Variants in SSH2 observed in about 807,000 individuals in gnomAD.
SSH2 encodes protein phosphatase Slingshot homolog 2.
A neutral mutation model predicts 135.2 loss-of-function variants in SSH2; 37 were observed. The ratio of observed to expected loss-of-function variants is 0.27; its 90% CI spans 0.21 to 0.36. SSH2 has a LOEUF of 0.36. Among genes scored for constraint, SSH2 ranks in the 10% least tolerant of loss-of-function variants. SSH2 has a pLI of 1.00. For missense variants in SSH2, 1,408 were observed against 1,765.3 expected, an observed-to-expected ratio of 0.80 and a Z score of 3.63; for synonymous variants, 628 against 646.2, an observed-to-expected ratio of 0.97 and a Z score of 0.43.
intron 3 of SSH2, among the ~76,000 whole-genome samples, chr17:29,786,438 C>G (rs1211091251): frequency 1.3e-5 from 2 of 152,186 alleles, no homozygotes; most frequent in Admixed American, 1.3e-4. Context: ...CCCTGTTCCC[C>G]CTTTGTTTTC....
chr17:29,766,700 T>G (rs928676747), intron 3 of SSH2, among the ~76,000 whole-genome samples: 1 of 152,100 alleles, frequency 6.6e-6, no homozygotes, highest in Non-Finnish European at 1.5e-5. Context: ...TAAGAAAAAA[T>G]GATTATACCA....
chr17:29,887,319 A>G (rs901309943), intron 1 of SSH2, among the ~76,000 whole-genome samples: 5 of 152,214 alleles, frequency 3.3e-5, no homozygotes, highest in African/African-American at 1.2e-4. Context: ...GTGAGGATCA[A>G]TAGAGGATAA....
intron 3 of SSH2, among the ~76,000 whole-genome samples, chr17:29,756,024 G>C (rs1351898303): frequency 6.7e-6 from 1 of 150,258 alleles, no homozygotes; most frequent in Non-Finnish European, 1.5e-5. Context: ...CCAGCACTTT[G>C]GGAGGCCGAG....
chr17:29,708,458 C>T (rs1263310297), intron 3 of SSH2, among the ~76,000 whole-genome samples: 2 of 151,874 alleles, frequency 1.3e-5, no homozygotes, highest in Non-Finnish European at 2.9e-5. Context: ...GGCGTGGTGG[C>T]GGGTGCCTGT....
chr17:29,891,280 G>C (rs944972064), intron 1 of SSH2, among the ~76,000 whole-genome samples: 1 of 152,218 alleles, frequency 6.6e-6, no homozygotes, highest in Non-Finnish European at 1.5e-5. Flanking sequence ...TCTCAAGAGA[G>C]ACTGAGTAGG....
chr17:29,882,629 C>A (rs1279107676), intron 1 of SSH2, among the ~76,000 whole-genome samples: 1 of 136,052 alleles, frequency 7.4e-6, no homozygotes, highest in Non-Finnish European at 1.6e-5. Flanking sequence ...GCGGGCACCT[C>A]TAATCCCAGC....
At chr17:29,691,963 AG>A (rs1415620399) in intron 5 of SSH2, among the ~76,000 whole-genome samples, 23 of 151,248 alleles carry the variant, frequency 1.5e-4, no homozygotes, top group Non-Finnish European at 3.1e-4. Flanking sequence ...ACATGGTGAA[AG>A]CCTGTCTCTA....
chr17:29,844,410 C>A (rs932041837), intron 2 of SSH2, among the ~76,000 whole-genome samples: 2 of 152,146 alleles, frequency 1.3e-5, no homozygotes, highest in African/African-American at 4.8e-5. Context: ...TCCTAGGAGA[C>A]CACCCATAAG....
At chr17:29,809,724 T>TA (rs936317060) in intron 2 of SSH2, among the ~76,000 whole-genome samples, 4 of 151,892 alleles carry the variant, frequency 2.6e-5, no homozygotes, top group Non-Finnish European at 5.9e-5. Flanking sequence ...CCCAGCTCAT[T>TA]AAAAAAAATT....
chr17:29,914,625 T>C (rs925004653), intron 1 of SSH2, among the ~76,000 whole-genome samples: 4 of 151,846 alleles, frequency 2.6e-5, no homozygotes, highest in African/African-American at 9.7e-5. Flanking sequence ...AAACAAACAT[T>C]AATAATTTAA....
At chr17:29,882,753 A>G (rs2066162663) in intron 1 of SSH2, among the ~76,000 whole-genome samples, 1 of 152,150 alleles carries the variant, frequency 6.6e-6, no homozygotes. Context: ...CTCCATCTCA[A>G]AAATAACAAA....
intron 8 of SSH2, chr17:29,674,147 A>G: frequency 2.2e-6 from 1 of 456,752 alleles, no homozygotes; most frequent in Non-Finnish European, 4.4e-6. Flanking sequence ...TGTTCCTTGA[A>G]TCCCTGTCAA....
chr17:29,754,307 T>C (rs947144709), intron 3 of SSH2, among the ~76,000 whole-genome samples: 3 of 152,154 alleles, frequency 2.0e-5, no homozygotes, highest in Admixed American at 1.3e-4. Flanking sequence ...AAGCTTAAGT[T>C]TGGAGATAAG....
chr17:29,652,944 C>T (rs1567846614), intron 12 of SSH2, among the ~76,000 whole-genome samples: 1 of 152,182 alleles, frequency 6.6e-6, no homozygotes, highest in Non-Finnish European at 1.5e-5. Flanking sequence ...GTGTGAACCA[C>T]CTTGCCCGGC....
intron 4 of SSH2, among the ~76,000 whole-genome samples, chr17:29,702,019 T>C (rs2039005149): frequency 1.3e-5 from 2 of 151,594 alleles, no homozygotes; most frequent in African/African-American, 4.9e-5. Context: ...TGAGCCAATG[T>C]GCCTGGCCCA....
rs1002804342 is a variant in SSH2, at chr17:29,628,458, G to A, written c.*2383C>T. The stretch of plus-strand genomic sequence containing the variant: ...TGGTCCTGCTTGTACCTCTTAGTGT[G>A]TGGGATGTCATCATCGTAAGGGGTT... On this transcript the variant is annotated 3_prime_UTR_variant, in exon 16 of 16. Transcript: ENST00000540801. 1.3e-5 allele frequency: 2 copies of A among 152,142 alleles called. No homozygotes were observed. The highest frequency in any genetic ancestry group is 2.9e-5 in the Non-Finnish European group (2 of 68,040). The allele number at this position is 152,142 out of a possible 1,614,324, so 9.4% of individuals were successfully genotyped here.
chr17:29,911,695 G>A (rs2066768556), intron 1 of SSH2, among the ~76,000 whole-genome samples: 1 of 152,148 alleles, frequency 6.6e-6, no homozygotes, highest in African/African-American at 2.4e-5. Context: ...CTGCTAACAA[G>A]TCTCTATACC....
At chr17:29,781,680 A>C (rs911227116) in intron 3 of SSH2, among the ~76,000 whole-genome samples, 6 of 151,310 alleles carry the variant, frequency 4.0e-5, no homozygotes, top group African/African-American at 1.5e-4. Context: ...GGGTTTCACT[A>C]TGTTGGCCAG....
At chr17:29,650,566 G>GT (rs1393793984) in intron 13 of SSH2, 88 bp downstream of exon 13, 1 of 1,263,864 alleles carries the variant, frequency 7.9e-7, no homozygotes, top group African/African-American at 1.5e-5. Context: ...AGTACCATCA[G>GT]TAAGTTGTCT....
Sources: gnomAD v4.1 joint callset for allele counts (sites outside exome capture counted in the v4.1 genomes callset) on GRCh38, gnomAD v4.1.1 for gene constraint, MANE v1.5 for transcripts, NCBI Gene and HGNC (gene_info 2026-07-23, HGNC 2026-07-21) for gene names.